Variants in TRAF3 observed in about 807,000 individuals in gnomAD.
TRAF3 encodes the protein TNF receptor associated factor 3, also known as TNF receptor-associated factor 3.
In TRAF3, 13 loss-of-function variants were observed where a neutral mutation model predicts 62.3. The ratio of observed to expected loss-of-function variants is 0.21; its 90% confidence interval spans 0.14 to 0.33. TRAF3 has a LOEUF of 0.33. TRAF3 is among the 10% of genes least tolerant of loss of function. TRAF3 has a pLI of 1.00. For synonymous variants in TRAF3, 269 were observed against 283.4 expected (o/e 0.95, Z 0.51); for missense variants, 440 against 741.8 (o/e 0.59, Z 4.73).
chr14:102,872,447 AT>A (rs1263901184), intron 4 of TRAF3, among the ~76,000 whole-genome samples: 2 of 152,108 alleles, frequency 1.3e-5, no homozygotes, highest in Admixed American at 1.3e-4. Flanking sequence ...CCCCTGTGAT[AT>A]CTTTAAGTCA....
In TRAF3 at chr14:102,784,184, C is replaced by T. The variant is rs192126571; in HGVS notation, c.-157+6509C>T. On this transcript the variant is annotated intron_variant, in intron 1 of 11. Coordinates refer to ENST00000392745, the MANE Select transcript of TRAF3 (RefSeq NM_145725.3). Reference sequence around the variant, plus strand: ...GGTTTTTCCCTGCATTTTTCCTGTTCCCAACGTTTGCTCCTGGGAAGATGC... The same window carrying T: ...GGTTTTTCCCTGCATTTTTCCTGTTTCCAACGTTTGCTCCTGGGAAGATGC... 1.8e-4 allele frequency among the ~76,000 whole-genome samples: 27 copies of T among 148,810 alleles called. No homozygotes were observed. The East Asian group carries it at 4.4e-3, about 24-fold the overall frequency.
chr14:102,854,809 T>C (rs888695474), intron 2 of TRAF3, among the ~76,000 whole-genome samples: 10 of 152,036 alleles, frequency 6.6e-5, no homozygotes, highest in Non-Finnish European at 1.0e-4. Flanking sequence ...CTGTTTTTTT[T>C]TTTTTTTTTT....
chr14:102,874,207 G>A (rs1045640007), intron 4 of TRAF3, among the ~76,000 whole-genome samples: 4 of 152,202 alleles, frequency 2.6e-5, no homozygotes, highest in African/African-American at 7.2e-5. Flanking sequence ...TAAGGGTGTA[G>A]TGAAGCCATG....
At chr14:102,851,011 G>A (rs1887007458) in intron 2 of TRAF3, among the ~76,000 whole-genome samples, 2 of 152,156 alleles carry the variant, frequency 1.3e-5, no homozygotes, top group African/African-American at 4.8e-5. Context: ...GCTAACCAGA[G>A]GCGCATGTGT....
At chr14:102,823,552 G>C (rs1477402158) in intron 1 of TRAF3, among the ~76,000 whole-genome samples, 1 of 152,198 alleles carries the variant, frequency 6.6e-6, no homozygotes, top group Admixed American at 6.5e-5. Context: ...GTTTTGACTA[G>C]TGAGAAGCTT....
intron 1 of TRAF3, among the ~76,000 whole-genome samples, chr14:102,822,924 T>G (rs939737226): frequency 1.3e-5 from 2 of 151,460 alleles, no homozygotes; most frequent in African/African-American, 4.9e-5. Context: ...GAGAGTTGCT[T>G]GAACCCGGGA....
At chr14:102,801,746 C>T (rs1898429061) in intron 1 of TRAF3, among the ~76,000 whole-genome samples, 1 of 151,934 alleles carries the variant, frequency 6.6e-6, no homozygotes, top group Admixed American at 6.6e-5. Flanking sequence ...TGGTCTGCTG[C>T]AGTGGCTCAC....
intron 1 of TRAF3, among the ~76,000 whole-genome samples, chr14:102,780,830 G>A (rs1384845032): frequency 6.6e-6 from 1 of 152,124 alleles, no homozygotes; most frequent in Non-Finnish European, 1.5e-5. Context: ...AGGGATATAG[G>A]CCATCTTGGC....
chr14:102,864,744 G>T (rs1290965475), intron 2 of TRAF3, among the ~76,000 whole-genome samples: 3 of 152,128 alleles, frequency 2.0e-5, no homozygotes, highest in Non-Finnish European at 4.4e-5. Context: ...TTAAGAACTT[G>T]ATCCTACAGA....
At position 102,841,967 on chromosome 14, in the gene TRAF3, G is replaced by A. The variant is rs1322035965; in HGVS notation, c.-18+11495G>A. ...GAATATATACAATATATAAAATGCCGGGCGCAGTGGCTCACACCTATAATC... is the reference window on the plus strand; with the variant it reads ...GAATATATACAATATATAAAATGCCAGGCGCAGTGGCTCACACCTATAATC... On this transcript the variant is annotated intron_variant, in intron 2 of 11. Transcript: ENST00000392745. 6.6e-5 allele frequency among the ~76,000 whole-genome samples: 10 copies of A among 152,184 alleles called. No individual in the cohort carries two copies. In the East Asian group the frequency reaches 1.7e-3, roughly 26 times the overall value.
chr14:102,903,537 C>A lies in TRAF3; in HGVS notation c.1135+108C>A. On this transcript the variant is annotated intron_variant, in intron 11 of 11. Transcript: ENST00000392745. This position sits in a 1 kb window ranked among gnomAD's most constrained non-coding sequence, Gnocchi z 6.4. Reference sequence around the variant, plus strand: ...TATGTTAGGTACATGTGCCTTAGGACAGTTTTTTCTAATTATGGGTAACAC... The same window carrying A: ...TATGTTAGGTACATGTGCCTTAGGAAAGTTTTTTCTAATTATGGGTAACAC... 1 of 1,492,610 alleles carries A rather than the reference C, an allele frequency of 6.7e-7. No individual in the cohort carries two copies. The highest frequency in any genetic ancestry group is 9.2e-7 in the Non-Finnish European group (1 of 1,090,566). 92.5% of individuals were successfully genotyped at this position (1,492,610 alleles called of 1,614,324 possible).
In TRAF3 at chr14:102,813,881, A is replaced by G. The variant is rs183923399; in HGVS notation, c.-156-16453A>G. ...ATTCTGTAGGTTGGCTTTTCATTCT[A>G]TTGTTTCCTTTGTTTTGCTGAAGCT... On this transcript the variant is annotated intron_variant, in intron 1 of 11. Transcript: ENST00000392745. Among the ~76,000 whole-genome samples the G allele has an allele frequency of 5.3e-5, 8 of 151,514 alleles. No homozygotes were observed. In the East Asian group the frequency reaches 1.4e-3, roughly 26 times the overall value.
intron 1 of TRAF3, among the ~76,000 whole-genome samples, chr14:102,811,938 T>TTTTTTTTTTA (rs1899203732): frequency 7.7e-6 from 1 of 129,362 alleles, no homozygotes; most frequent in Non-Finnish European, 1.6e-5. Context: ...TTTTTTTTTT[T>TTTTTTTTTTA]TTTTTGTACA....
intron 2 of TRAF3, among the ~76,000 whole-genome samples, chr14:102,845,576 C>T (rs577641033): frequency 3.5e-5 from 5 of 141,520 alleles, no homozygotes; most frequent in East Asian, 4.4e-4. Flanking sequence ...AGTGCAGTGG[C>T]GCCATCTCGG....
Position 102,905,836 on chromosome 14 carries a change from GA to G in TRAF3, c.*54del, listed in dbSNP as rs1355389626. Reference sequence around the variant, plus strand: ...AGAAGGCAACTCCTCTGGGGGATTTGAACCGGTCTGTCTTCACTGAGGTCCT... The same window carrying G: ...AGAAGGCAACTCCTCTGGGGGATTTGACCGGTCTGTCTTCACTGAGGTCCT... On this transcript the variant is annotated 3_prime_UTR_variant, in exon 12 of 12. Transcript: ENST00000392745. 4 of 1,524,634 alleles carry G rather than the reference GA, an allele frequency of 2.6e-6. No individual in the cohort carries two copies. In the African/African-American group the frequency reaches 5.5e-5, roughly 21 times the overall value. The allele number at this position is 1,524,634 out of a possible 1,614,324, so 94.4% of individuals were successfully genotyped here.
rs1489170793 is a variant in TRAF3 at position 102,777,480 on chromosome 14, G to C, written c.-352G>C. 6.9e-6 allele frequency: 1 copy of C among 144,832 alleles called. No homozygotes were observed. The allele number at this position is 144,832 out of a possible 1,614,324, so 9.0% of individuals were successfully genotyped here. On this transcript the variant is annotated 5_prime_UTR_variant, in exon 1 of 12. Transcript: ENST00000392745. ...CTGCGTGAGGGAGCGAGGGAGCGAG[G>C]GAGCGCGGCGCGGCCGCCGCGTGCG...
chr14:102,801,152 C>T (rs1403832304), intron 1 of TRAF3, among the ~76,000 whole-genome samples: 2 of 152,148 alleles, frequency 1.3e-5, no homozygotes, highest in East Asian at 1.9e-4. Flanking sequence ...GGCGACAGAA[C>T]GAGACTCCGT....
intron 2 of TRAF3, among the ~76,000 whole-genome samples, chr14:102,857,160 T>G (rs1887421280): frequency 1.3e-5 from 2 of 152,324 alleles, no homozygotes; most frequent in South Asian, 4.1e-4. Context: ...ATTAGAATAT[T>G]GATCCAGATT....
chr14:102,886,206 C>T lies in TRAF3; in HGVS notation c.588C>T (p.Asp196=). 6.2e-7 allele frequency: 1 copy of T among 1,613,372 alleles called. No homozygotes were observed. Among genetic ancestry groups the T allele is most frequent in the South Asian group, 1.1e-5 (1 of 91,048 alleles). ...CTCTGTAGAAACACGAAGACACCGA[C>T]TGTCCCTGCGTGGTGGTGTCCTGCC... ...MIALQKHEDT[D]CPCVVVSCPH... is the part of the protein sequence containing the mutation. The change falls in exon 7 of 12, where the codon GAC becomes GAT. Residue 196 remains aspartate (D), a synonymous_variant. Coordinates refer to ENST00000392745, the MANE Select transcript of TRAF3 (RefSeq NM_145725.3).
Sources: gnomAD v4.1 joint callset for allele counts (sites outside exome capture counted in the v4.1 genomes callset) on GRCh38, gnomAD v4.1.1 for gene constraint, Gnocchi (gnomAD v3.1) non-coding constraint, MANE v1.5 for transcripts, NCBI Gene and HGNC (gene_info 2026-07-23, HGNC 2026-07-21) for gene names.